Variants in UNC13C observed in about 807,000 individuals in gnomAD.
The protein encoded by UNC13C is protein unc-13 homolog C.
Under a neutral mutation model 245.4 loss-of-function variants are expected in UNC13C, and 174 were observed. The ratio of observed to expected loss-of-function variants is 0.71; its 90% CI spans 0.63 to 0.80. The LOEUF (loss-of-function observed/expected upper bound fraction) is 0.80. Among genes scored for constraint, UNC13C ranks in the 30% least tolerant of loss-of-function variants. The probability of loss-of-function intolerance (pLI) is 0.00; values close to 1 mark genes in which losing one functional copy is unlikely to be tolerated. For missense variants in UNC13C, 2,829 were observed against 2,602.9 expected (o/e 1.09, Z -1.89); for synonymous variants, 992 against 895.1 (o/e 1.11, Z -1.93).
intron 19 of UNC13C, among the ~76,000 whole-genome samples, chr15:54,427,428 A>G (rs1265785403): frequency 6.6e-6 from 1 of 151,814 alleles, no homozygotes; most frequent in African/African-American, 2.4e-5. Flanking sequence ...ATGTGAAACT[A>G]TAAGTCCAAT....
chr15:54,494,488 C>T (rs1288883385), intron 19 of UNC13C, 120 bp from the exon 20 acceptor site: 4 of 972,548 alleles, frequency 4.1e-6, no homozygotes, highest in East Asian at 3.0e-5. Flanking sequence ...TTCATTATAC[C>T]TTTACATCTA....
chr15:54,391,427 A>G (rs1034478973), intron 17 of UNC13C, among the ~76,000 whole-genome samples: 1 of 152,078 alleles, frequency 6.6e-6, no homozygotes, highest in Non-Finnish European at 1.5e-5. Context: ...AATAAAAATA[A>G]ATTTTAATAA....
In UNC13C at chr15:54,546,722, A is replaced by C. The variant is rs1171806662; in HGVS notation, c.5697A>C (p.Thr1899=). ...LRSLMDFLDK[T]LSLSAKICEK... Reference sequence around the variant, plus strand: ...ATATATATATATATTTTTTTTTCAGATTAAGTCTCTCAGCAAAAATCTGTG... The same window carrying C: ...ATATATATATATATTTTTTTTTCAGCTTAAGTCTCTCAGCAAAAATCTGTG... The change falls in exon 27 of 33, where the codon ACA becomes ACC. Residue 1899 remains threonine (T), a splice_region_variant and synonymous_variant. Coordinates refer to ENST00000260323, the MANE Select transcript of UNC13C (RefSeq NM_001080534.3). 5 of 1,486,608 alleles carry C rather than the reference A, an allele frequency of 3.4e-6. No individual in the cohort carries two copies. The Admixed American group carries it at 9.9e-5, about 29-fold the overall frequency. 92.1% of individuals were successfully genotyped at this position (1,486,608 alleles called of 1,614,324 possible).
At chr15:54,596,731 A>G (rs2141264528) in intron 30 of UNC13C, among the ~76,000 whole-genome samples, 1 of 152,260 alleles carries the variant, frequency 6.6e-6, no homozygotes, top group Non-Finnish European at 1.5e-5. Flanking sequence ...CTCCCCATGG[A>G]AATGAGTGAT....
intron 19 of UNC13C, among the ~76,000 whole-genome samples, chr15:54,472,621 A>G (rs1288886393): frequency 6.6e-6 from 1 of 151,920 alleles, no homozygotes; most frequent in East Asian, 1.9e-4. Flanking sequence ...GAAAGTATTT[A>G]TCACTCCTTC....
At chr15:54,188,354 T>A (rs2141319595) in intron 4 of UNC13C, among the ~76,000 whole-genome samples, 1 of 152,296 alleles carries the variant, frequency 6.6e-6, no homozygotes, top group African/African-American at 2.4e-5. Flanking sequence ...GTAAACTACT[T>A]GTGGAACACA....
the UNC13C span, among the ~76,000 whole-genome samples, chr15:53,888,516 G>T: frequency 2.6e-5 from 4 of 152,290 alleles, no homozygotes; most frequent in African/African-American, 9.6e-5. Context: ...TCACTCTGAT[G>T]ATAGTTTCTT....
chr15:54,277,441 T>G (rs2036861678), intron 10 of UNC13C, among the ~76,000 whole-genome samples: 1 of 152,142 alleles, frequency 6.6e-6, no homozygotes, highest in South Asian at 2.1e-4. Flanking sequence ...TGTATAAGGT[T>G]AAGAAAGAAC....
chr15:53,992,604 G>C (rs766442825), intron 1 of UNC13C, among the ~76,000 whole-genome samples: 5 of 152,090 alleles, frequency 3.3e-5, no homozygotes, highest in Non-Finnish European at 7.4e-5. Flanking sequence ...GTGACTCACA[G>C]TCCTGTTTTT....
At chr15:53,985,365 A>T (rs12438683) in intron 1 of UNC13C, among the ~76,000 whole-genome samples, 18,842 of 137,726 alleles carry the variant, frequency 0.14, 1,495 homozygotes, top group East Asian at 0.3. Context: ...TTTAAATTTT[A>T]TTATTATTAT....
chr15:54,144,080 T>C (rs2032149264), intron 4 of UNC13C, among the ~76,000 whole-genome samples: 1 of 152,164 alleles, frequency 6.6e-6, no homozygotes, highest in South Asian at 2.1e-4. Flanking sequence ...AACAACTCAA[T>C]GAATATAATC....
chr15:54,469,197 G>C (rs569087975), intron 19 of UNC13C, among the ~76,000 whole-genome samples: 19 of 151,230 alleles, frequency 1.3e-4, no homozygotes, highest in Non-Finnish European at 2.7e-4. Flanking sequence ...ATTGTAAATG[G>C]GATTGTGTTC....
chr15:54,243,570 A>G (rs113828845), intron 7 of UNC13C, among the ~76,000 whole-genome samples: 4 of 148,878 alleles, frequency 2.7e-5, no homozygotes, highest in African/African-American at 7.6e-5. Context: ...TTCTACTATG[A>G]TTGAGCTAAT....
At chr15:54,370,327 C>T (rs1473393778) in intron 17 of UNC13C, among the ~76,000 whole-genome samples, 2 of 152,006 alleles carry the variant, frequency 1.3e-5, no homozygotes, top group Non-Finnish European at 2.9e-5. Context: ...TGTTGCTAAC[C>T]CTGAGATACA....
At chr15:54,135,903 G>C (rs1317806257) in intron 2 of UNC13C, among the ~76,000 whole-genome samples, 1 of 152,038 alleles carries the variant, frequency 6.6e-6, no homozygotes, top group African/African-American at 2.4e-5. Flanking sequence ...TGGGAATTTT[G>C]GTAGAGATTC....
At chr15:54,524,791 A>G (rs1438807963) in intron 24 of UNC13C, among the ~76,000 whole-genome samples, 2 of 152,174 alleles carry the variant, frequency 1.3e-5, no homozygotes, top group Non-Finnish European at 1.5e-5. Flanking sequence ...CTTCTTTTCA[A>G]TAGTAGATCA....
chr15:54,300,407 C>A, intron 13 of UNC13C, 34 bp downstream of exon 13: 2 of 1,522,344 alleles, frequency 1.3e-6, no homozygotes, highest in Non-Finnish European at 1.8e-6. Context: ...TGGTCAATAT[C>A]TCTATTAAAA....
the UNC13C span, among the ~76,000 whole-genome samples, chr15:53,930,034 T>G: frequency 3.3e-5 from 5 of 152,214 alleles, no homozygotes; most frequent in Non-Finnish European, 7.3e-5. Context: ...TGAGTGGTCC[T>G]TCTGCTCTGG....
the UNC13C span, among the ~76,000 whole-genome samples, chr15:53,880,581 C>G: frequency 6.6e-6 from 1 of 152,022 alleles, no homozygotes; most frequent in Non-Finnish European, 1.5e-5. Context: ...TCTCTCGGGA[C>G]CAAATCCTGA....
Sources: gnomAD v4.1 joint callset for allele counts (sites outside exome capture counted in the v4.1 genomes callset) on GRCh38, gnomAD v4.1.1 for gene constraint, MANE v1.5 for transcripts, NCBI Gene and HGNC (gene_info 2026-07-23, HGNC 2026-07-21) for gene names.